SLC3A1: variants seen among roughly 807,000 people sequenced by gnomAD.
The protein encoded by SLC3A1 is solute carrier family 3 member 1, also known as amino acid transporter heavy chain SLC3A1.
A neutral mutation model predicts 60.3 loss-of-function variants in SLC3A1; 78 were observed. That is an observed-to-expected ratio of 1.29 (90% CI 1.08 to 1.56). SLC3A1 has a LOEUF of 1.56. SLC3A1 is among the 40% of genes most tolerant of loss of function. The pLI is 0.00. For missense variants in SLC3A1, 1,172 were observed against 858.9 expected (o/e 1.36, Z -4.56); for synonymous variants, 392 against 307.9 (o/e 1.27, Z -2.86).
At chr2:44,305,746 A>T (rs551456526) in intron 7 of SLC3A1, among the ~76,000 whole-genome samples, 1 of 151,900 alleles carries the variant, frequency 6.6e-6, no homozygotes, top group East Asian at 1.9e-4. Context: ...TCTTTAATAT[A>T]TTATAAATGT....
chr2:44,300,597 T>C (rs1671979269), intron 5 of SLC3A1, among the ~76,000 whole-genome samples: 1 of 152,048 alleles, frequency 6.6e-6, no homozygotes, highest in Non-Finnish European at 1.5e-5. Context: ...AGGATAGTGA[T>C]GGTAAAGAAA....
At chr2:44,321,638 G>T, downstream of SLC3A1, 5 of 1,496,524 alleles carry the variant, frequency 3.3e-6, no homozygotes, top group South Asian at 5.5e-5. Flanking sequence ...CAGAGCTCAC[G>T]TATCAAGTAC....
intron 7 of SLC3A1, among the ~76,000 whole-genome samples, chr2:44,310,924 A>G (rs572769941): frequency 6.6e-6 from 1 of 151,982 alleles, no homozygotes; most frequent in East Asian, 1.9e-4. Flanking sequence ...CTTCTTGAGT[A>G]GCTGAGACTA....
At chr2:44,283,388 A>T (rs1572792075) in intron 3 of SLC3A1, among the ~76,000 whole-genome samples, 1 of 152,188 alleles carries the variant, frequency 6.6e-6, no homozygotes. Flanking sequence ...ATTAGCAAAC[A>T]TTTACAAAAT....
Position 44,299,851 on chromosome 2 carries a change from C to G in SLC3A1, c.892-120C>G, listed in dbSNP as rs1031395134. The G allele has an allele frequency of 1.3e-5, 13 of 1,028,630 alleles. No individual in the cohort carries two copies. The African/African-American group carries it at 2.1e-4, about 16-fold the overall frequency. The allele number at this position is 1,028,630 out of a possible 1,614,324, so 63.7% of individuals were successfully genotyped here. Reference sequence around the variant, plus strand: ...ATAAAAATAGACTGTGAATACTGTGCTTGTTCTGTATGTAGATATCTGTTT... The same window carrying G: ...ATAAAAATAGACTGTGAATACTGTGGTTGTTCTGTATGTAGATATCTGTTT... On this transcript the variant is annotated intron_variant, in intron 4 of 9. Coordinates refer to ENST00000260649, the MANE Select transcript of SLC3A1 (RefSeq NM_000341.4).
chr2:44,317,410 C>T (rs912058618), intron 9 of SLC3A1, among the ~76,000 whole-genome samples: 1 of 149,432 alleles, frequency 6.7e-6, no homozygotes, highest in African/African-American at 2.5e-5. Flanking sequence ...TGCAGTGAGC[C>T]ATGATCATGC....
At chr2:44,284,835 G>C (rs1037485749) in intron 3 of SLC3A1, among the ~76,000 whole-genome samples, 7 of 152,244 alleles carry the variant, frequency 4.6e-5, no homozygotes, top group African/African-American at 1.7e-4. Context: ...AAAGTGCTGT[G>C]ATTACTGGCA....
Position 44,309,643 on chromosome 2 carries a change from A to C in SLC3A1, c.1333-2943A>C, listed in dbSNP as rs1047086480. ...GAGATGGAGTCTCACTGTATCACCC[A>C]GGCTAGAGTGCAGTGGTATGATCTC... On this transcript the variant is annotated intron_variant, in intron 7 of 9. Transcript: ENST00000260649. Among the ~76,000 whole-genome samples the C allele has an allele frequency of 3.3e-5, 5 of 152,342 alleles. No homozygotes were observed. The South Asian group carries it at 6.2e-4, about 19-fold the overall frequency.
At chr2:44,314,337 A>G (rs1248151963) in intron 9 of SLC3A1, 2 of 456,338 alleles carry the variant, frequency 4.4e-6, no homozygotes, top group Non-Finnish European at 7.9e-6. Context: ...AAGGAGATCA[A>G]TCAATCAACC....
In SLC3A1 at chr2:44,280,810, T is replaced by C. The variant is rs1244365169; in HGVS notation, c.525T>C (p.Tyr175=). ...FYKSSLKDFR[Y]GVEDFREVDP... Reference sequence around the variant, plus strand: ...AATCGTCCCTTAAAGATTTCAGATATGGTGTTGAAGATTTCCGGGAAGTTG... The same window carrying C: ...AATCGTCCCTTAAAGATTTCAGATACGGTGTTGAAGATTTCCGGGAAGTTG... The change falls in exon 2 of 10, where the codon TAT becomes TAC. Residue 175 remains tyrosine, a synonymous_variant. Coordinates refer to ENST00000260649, the MANE Select transcript of SLC3A1 (RefSeq NM_000341.4). The C allele has an allele frequency of 5.0e-6, 8 of 1,613,666 alleles. No homozygotes were observed. Among genetic ancestry groups the C allele is most frequent in the Middle Eastern group, 1.6e-4 (1 of 6,062 alleles).
At chr2:44,304,014 G>T in intron 6 of SLC3A1, 129 bp from the exon 7 acceptor site, 4 of 777,962 alleles carry the variant, frequency 5.1e-6, no homozygotes, top group Non-Finnish European at 9.4e-6. Context: ...TCTAGAAGGT[G>T]CTAGTCCTAT....
At chr2:44,281,155 C>A (rs948524702) in intron 2 of SLC3A1, among the ~76,000 whole-genome samples, 1 of 125,580 alleles carries the variant, frequency 8.0e-6, no homozygotes, top group Non-Finnish European at 1.6e-5. Flanking sequence ...CTCTCCTTTC[C>A]CTGCTTTTTT....
intron 3 of SLC3A1, among the ~76,000 whole-genome samples, chr2:44,282,785 G>C (rs535370144): frequency 6.6e-6 from 1 of 151,946 alleles, no homozygotes; most frequent in Non-Finnish European, 1.5e-5. Context: ...TTCCTCCCAA[G>C]TAGCTGGGAC....
In SLC3A1 at chr2:44,281,609, T is replaced by C. The variant is rs1671502088; in HGVS notation, c.765+68T>C. 3.4e-6 allele frequency: 5 copies of C among 1,459,192 alleles called. No homozygotes were observed. In the Admixed American group the frequency reaches 6.7e-5, roughly 20 times the overall value. 90.4% of individuals were successfully genotyped at this position (1,459,192 alleles called of 1,614,324 possible). A position where few individuals can be genotyped will look rare whatever the true frequency, so the allele number is the denominator to read the frequency against. ...ATATGTAGTGATTGAACTGATTTAG[T>C]AAAACCCTTTTGAGGGAAAAATGAA... On this transcript the variant is annotated intron_variant, in intron 3 of 9. Transcript: ENST00000260649.
intron 4 of SLC3A1, among the ~76,000 whole-genome samples, chr2:44,289,332 A>T (rs1222075060): frequency 2.8e-5 from 4 of 144,170 alleles, no homozygotes; most frequent in Non-Finnish European, 6.1e-5. Context: ...TACCTCAGCC[A>T]CCCAAGTAGC....
intron 7 of SLC3A1, among the ~76,000 whole-genome samples, chr2:44,307,340 C>A (rs1390445942): frequency 1.3e-5 from 2 of 152,176 alleles, no homozygotes; most frequent in African/African-American, 2.4e-5. Flanking sequence ...TCAATTCTCT[C>A]TGATATATAT....
At chr2:44,306,091 G>A (rs542935816) in intron 7 of SLC3A1, among the ~76,000 whole-genome samples, 3 of 152,170 alleles carry the variant, frequency 2.0e-5, no homozygotes, top group African/African-American at 4.8e-5. Context: ...TGGTGCTGTT[G>A]TTATTCGTAT....
chr2:44,290,123 CTT>C (rs34642873), intron 4 of SLC3A1, among the ~76,000 whole-genome samples: 25 of 131,060 alleles, frequency 1.9e-4, no homozygotes, highest in African/African-American at 1.7e-4. Context: ...AGCTGTCCGA[CTT>C]TTTTTTTTTT....
chr2:44,312,021 C>A (rs1196191444), intron 7 of SLC3A1, among the ~76,000 whole-genome samples: 1 of 152,082 alleles, frequency 6.6e-6, no homozygotes, highest in African/African-American at 2.4e-5. Context: ...TAAATAAATT[C>A]TTATTTAAAC....
Sources: allele counts gnomAD v4.1 joint callset (sites outside exome capture counted in the v4.1 genomes callset), GRCh38; gene constraint gnomAD v4.1.1; transcripts MANE v1.5; gene names NCBI Gene and HGNC (gene_info 2026-07-23, HGNC 2026-07-21).